CYFIP2: variants seen among roughly 807,000 people sequenced by gnomAD.
The protein encoded by CYFIP2 is cytoplasmic FMR1 interacting protein 2, also known as cytoplasmic FMR1-interacting protein 2.
In CYFIP2, 29 loss-of-function variants were observed where a neutral mutation model predicts 158.7. That is an observed-to-expected ratio of 0.18 (90% CI 0.14 to 0.25). The LOEUF is 0.25. Among genes scored for constraint, CYFIP2 ranks in the 10% least tolerant of loss-of-function variants. The pLI is 1.00. For synonymous variants in CYFIP2, 585 were observed against 617.6 expected (o/e 0.95, Z 0.78); for missense variants, 852 against 1,639.5 (o/e 0.52, Z 8.29).
intron 23 of CYFIP2, among the ~76,000 whole-genome samples, chr5:157,352,484 T>G (rs1763136918): frequency 6.6e-6 from 1 of 152,170 alleles, no homozygotes; most frequent in Non-Finnish European, 1.5e-5. Context: ...CACCCCACCC[T>G]TCTGTCTGCA....
chr5:157,284,162 A>G (rs1207913738), intron 1 of CYFIP2, among the ~76,000 whole-genome samples: 2 of 151,990 alleles, frequency 1.3e-5, no homozygotes, highest in African/African-American at 2.4e-5. Context: ...GTAACTCTCA[A>G]TCCCTCTGTT....
At chr5:157,322,486 C>G (rs1458600538) in intron 15 of CYFIP2, among the ~76,000 whole-genome samples, 2 of 152,240 alleles carry the variant, frequency 1.3e-5, no homozygotes, top group Non-Finnish European at 2.9e-5. Flanking sequence ...AACTGGACAG[C>G]ACCCACAACA....
intron 26 of CYFIP2, chr5:157,365,051 ACT>A (rs1764236787): frequency 6.6e-6 from 1 of 151,942 alleles, no homozygotes; most frequent in African/African-American, 2.4e-5. Flanking sequence ...ACCACAAATA[ACT>A]CTGCATTGAA....
At chr5:157,289,655 G>A (rs1234870450) in intron 3 of CYFIP2, among the ~76,000 whole-genome samples, 3 of 152,126 alleles carry the variant, frequency 2.0e-5, no homozygotes, top group Non-Finnish European at 4.4e-5. Context: ...GATTAGATCA[G>A]GGCCCTCTCT....
At position 157,278,244 on chromosome 5, in the gene CYFIP2, C is replaced by T. The variant is rs756898668; in HGVS notation, c.-23-7095C>T. On this transcript the variant is annotated intron_variant, in intron 1 of 30. Transcript: ENST00000620254. The stretch of plus-strand genomic sequence containing the variant: ...TGTGCAGTATGTTTGTGTGTGTGTA[C>T]GTATACTTATATAGCCTCTGGCTGG... 4.6e-5 allele frequency among the ~76,000 whole-genome samples: 7 copies of T among 151,478 alleles called. No individual in the cohort carries two copies. The South Asian group carries it at 1.2e-3, about 27-fold the overall frequency.
At chr5:157,304,981 C>T (rs188734232) in intron 8 of CYFIP2, among the ~76,000 whole-genome samples, 13 of 152,238 alleles carry the variant, frequency 8.5e-5, no homozygotes, top group African/African-American at 3.1e-4. Flanking sequence ...AGCTTAGCTC[C>T]CACTTATAAA....
chr5:157,302,985 C>T, intron 7 of CYFIP2, 95 bp downstream of exon 7: 6 of 919,080 alleles, frequency 6.5e-6, no homozygotes, highest in Non-Finnish European at 9.9e-6. Context: ...AGCAGACAAG[C>T]TCAGTCTGCA....
At chr5:157,338,693 T>TAATTCCAATA (rs1243548997) in intron 21 of CYFIP2, among the ~76,000 whole-genome samples, 4 of 152,208 alleles carry the variant, frequency 2.6e-5, no homozygotes, top group Non-Finnish European at 4.4e-5. Flanking sequence ...TAGTGGTAGC[T>TAATTCCAATA]CTTAGTATTG....
chr5:157,328,341 G>A (rs1488833208), intron 19 of CYFIP2, among the ~76,000 whole-genome samples: 4 of 152,344 alleles, frequency 2.6e-5, no homozygotes, highest in East Asian at 1.9e-4. Context: ...GGGAATGTAC[G>A]ATGGTTAAAC....
chr5:157,393,206 T>TTAA lies in CYFIP2; in HGVS notation c.*206_*207insTAA. 6.6e-6 allele frequency: 2 copies of TTAA among 304,698 alleles called. No homozygotes were observed. Among genetic ancestry groups the TTAA allele is most frequent in the African/African-American group, 4.5e-5 (1 of 22,052 alleles). 18.9% of individuals were successfully genotyped at this position (304,698 alleles called of 1,614,324 possible). On this transcript the variant is annotated 3_prime_UTR_variant, in exon 31 of 31. Coordinates refer to ENST00000620254, the MANE Select transcript of CYFIP2 (RefSeq NM_001037333.3). ...CATGCTGGTTTCTCCATAGCATAAA[T>TTAA]GAAAAAAAAAAAAAAAAAGTAAACA...
intron 7 of CYFIP2, among the ~76,000 whole-genome samples, chr5:157,303,282 A>T (rs1167800885): frequency 6.6e-6 from 1 of 152,174 alleles, no homozygotes; most frequent in Non-Finnish European, 1.5e-5. Flanking sequence ...ATATTATGAG[A>T]ACCCATCTCA....
intron 3 of CYFIP2, among the ~76,000 whole-genome samples, chr5:157,293,017 T>TGTATGTATGTATGTATGTAC (rs1757953272): frequency 3.2e-5 from 4 of 126,758 alleles, no homozygotes; most frequent in Admixed American, 3.0e-4. Context: ...CAGATATGTA[T>TGTATGTATGTATGTATGTAC]GTATGTATGT....
rs1454979681 is a variant in CYFIP2 at position 157,393,045 on chromosome 5, G to A, written c.*45G>A. On this transcript the variant is annotated 3_prime_UTR_variant, in exon 31 of 31. Coordinates refer to ENST00000620254, the MANE Select transcript of CYFIP2 (RefSeq NM_001037333.3). ...CTTATCTGGAGGAGGAAGAGAAGCA[G>A]GAGAGAGAAAGCCACAGCCAGCCTG... 3 of 1,600,476 alleles carry A rather than the reference G, an allele frequency of 1.9e-6. No homozygotes were observed. The highest frequency in any genetic ancestry group is 1.3e-5 in the African/African-American group (1 of 74,422).
rs1755642499 is a variant in CYFIP2 at position 157,266,808 on chromosome 5, C to T, written c.-24+613C>T. On this transcript the variant is annotated intron_variant, in intron 1 of 30. Transcript: ENST00000620254. The surrounding 1 kb of genome is among the most constrained non-coding windows in gnomAD (Gnocchi z 4.2). ...CTTTCTGGCCTACACTAGCATCGCT[C>T]ACCAAGCTGGCTGCGGGCACGGTGG... 1 of 152,680 alleles carries T rather than the reference C, an allele frequency of 6.5e-6. No individual in the cohort carries two copies. The highest frequency in any genetic ancestry group is 2.4e-5 in the African/African-American group (1 of 41,458). 9.5% of individuals were successfully genotyped at this position (152,680 alleles called of 1,614,324 possible).
intron 26 of CYFIP2, among the ~76,000 whole-genome samples, chr5:157,369,831 T>G (rs376544306): frequency 6.6e-6 from 1 of 151,672 alleles, no homozygotes; most frequent in African/African-American, 2.4e-5. Context: ...AAAATTCTGA[T>G]CTCTGAGGCC....
At position 157,394,432 on chromosome 5, in the gene CYFIP2, CA is replaced by C. The variant is rs1293880242; in HGVS notation, c.*1435del. 6.6e-6 allele frequency: 1 copy of C among 152,130 alleles called. No individual in the cohort carries two copies. The highest frequency in any genetic ancestry group is 2.4e-5 in the African/African-American group (1 of 41,422). The allele number at this position is 152,130 out of a possible 1,614,324, so 9.4% of individuals were successfully genotyped here. Reference sequence around the variant, plus strand: ...AATCAAATGGTCCCATTTTTAACCCCAAAGGAAGTGCCCACAGCAAGAGGTT... The same window carrying C: ...AATCAAATGGTCCCATTTTTAACCCCAAGGAAGTGCCCACAGCAAGAGGTT... On this transcript the variant is annotated 3_prime_UTR_variant, in exon 31 of 31. Transcript: ENST00000620254.
At chr5:157,374,154 G>A (rs997459302) in intron 26 of CYFIP2, among the ~76,000 whole-genome samples, 7 of 152,214 alleles carry the variant, frequency 4.6e-5, no homozygotes, top group Middle Eastern at 3.4e-3. Flanking sequence ...GCTGTCGATC[G>A]ATCCTGCTGC....
chr5:157,339,841 C>T (rs1247228059), intron 22 of CYFIP2, among the ~76,000 whole-genome samples: 2 of 152,136 alleles, frequency 1.3e-5, no homozygotes, highest in South Asian at 4.1e-4. Flanking sequence ...AAGGGTTTCT[C>T]CAAGAAGTTG....
intron 3 of CYFIP2, among the ~76,000 whole-genome samples, chr5:157,290,669 G>A (rs1180668489): frequency 6.6e-6 from 1 of 152,202 alleles, no homozygotes; most frequent in Non-Finnish European, 1.5e-5. Context: ...TGTGGCTTAG[G>A]CATGAGTCAT....
Sources: gnomAD v4.1 joint callset for allele counts (sites outside exome capture counted in the v4.1 genomes callset) on GRCh38, gnomAD v4.1.1 for gene constraint, Gnocchi (gnomAD v3.1) non-coding constraint, MANE v1.5 for transcripts, NCBI Gene and HGNC (gene_info 2026-07-23, HGNC 2026-07-21) for gene names.